TBC1D9B: variants seen among roughly 807,000 people sequenced by gnomAD.
The protein encoded by TBC1D9B is TBC1 domain family, member 9B (with GRAM domain).
TBC1D9B carries 87 observed loss-of-function variants against 121.1 expected under a neutral mutation model. That is an observed-to-expected ratio of 0.72 (90% confidence interval 0.60 to 0.86). The LOEUF (loss-of-function observed/expected upper bound fraction) is 0.86. TBC1D9B is among the 40% of genes least tolerant of loss of function. TBC1D9B has a pLI of 0.00. For missense variants in TBC1D9B, 1,540 were observed against 1,628.6 expected (o/e 0.95, Z 0.94); for synonymous variants, 668 against 670.1 (o/e 1.00, Z 0.05).
chr5:179,887,578 A>C (rs1760724774), intron 7 of TBC1D9B: 2 of 164,282 alleles, frequency 1.2e-5, no homozygotes, highest in African/African-American at 4.8e-5. Context: ...CTATCAACCA[A>C]GAGTGACATG....
intron 4 of TBC1D9B, 51 bp from the exon 5 acceptor site, chr5:179,893,518 G>C: frequency 1.9e-6 from 3 of 1,548,880 alleles, no homozygotes; most frequent in Non-Finnish European, 2.6e-6. Context: ...GCAGGGCGAG[G>C]CTCCTGATGC....
chr5:179,893,244 G>A lies in TBC1D9B; in HGVS notation c.801C>T (p.Pro267=). 6.2e-7 allele frequency: 1 copy of A among 1,612,754 alleles called. No homozygotes were observed. Among genetic ancestry groups the A allele is most frequent in the African/African-American group, 1.3e-5 (1 of 75,044 alleles). ...CTGAGATGTTCCTGTGTGGCCGGAT[G>A]GGCCTAGGCAGGGCCTTGTCCTCCA... The part of the protein sequence containing the change: ...GFLEDKALPR[P]IRPHRNISAL... Residue 267 remains proline, a synonymous_variant, in exon 5 of 21, where the codon CCC becomes CCT. Transcript: ENST00000355235.
intron 8 of TBC1D9B, 177 bp downstream of exon 8, chr5:179,879,451 G>T: frequency 9.1e-7 from 1 of 1,100,468 alleles, no homozygotes; most frequent in Non-Finnish European, 1.3e-6. Context: ...GCAGGTCAGC[G>T]GAGCCCCCCA....
rs1437619069 is a variant in TBC1D9B, at chr5:179,907,705, C to A, written c.117G>T (p.Thr39=). ...CCCGGCCGCCCGCGCGCCTCTCACC[C>A]GTAAGGCCGCCGCCCCTGCCGTGGC... ...RRGHGRGGGL[T]GLLVGTLDVV... The change falls in exon 1 of 21, where the codon ACG becomes ACT. Residue 39 remains threonine, a splice_region_variant and synonymous_variant. Transcript: ENST00000355235. The surrounding 1 kb of genome is among the most constrained non-coding windows in gnomAD (Gnocchi z 5.3). 4.3e-6 allele frequency: 5 copies of A among 1,156,444 alleles called. No individual in the cohort carries two copies. The highest frequency in any genetic ancestry group is 2.8e-4 in the Middle Eastern group (1 of 3,578). The allele number at this position is 1,156,444 out of a possible 1,614,324, so 71.6% of individuals were successfully genotyped here.
chr5:179,906,744 C>T (rs1761329594), intron 1 of TBC1D9B, among the ~76,000 whole-genome samples: 1 of 152,208 alleles, frequency 6.6e-6, no homozygotes, highest in Non-Finnish European at 1.5e-5. Flanking sequence ...AAACGTGGCC[C>T]AGGAGAAGCC....
At chr5:179,888,067 C>T (rs1238508995) in intron 7 of TBC1D9B, 36 bp downstream of exon 7, 2 of 1,611,170 alleles carry the variant, frequency 1.2e-6, no homozygotes, top group Admixed American at 3.3e-5. Context: ...CTTCCTGGGC[C>T]CAACTCGACC....
At position 179,875,990 on chromosome 5, in the gene TBC1D9B, C is replaced by A; in HGVS notation, c.1830G>T (p.Glu610Asp). 6.2e-7 allele frequency: 1 copy of A among 1,612,426 alleles called. No individual in the cohort carries two copies. Among genetic ancestry groups the A allele is most frequent in the Non-Finnish European group, 8.5e-7 (1 of 1,179,492 alleles). Reference sequence around the variant, plus strand: ...GGGCCACCAGGAGCCAGAAGGCCTCCTCCTCACTGCCATAGAGCAGGAGCA... The same window carrying A: ...GGGCCACCAGGAGCCAGAAGGCCTCATCCTCACTGCCATAGAGCAGGAGCA... ...TSVLLLYGSEEEAFWLLVALC... is the reference protein window; with the variant it reads ...TSVLLLYGSEDEAFWLLVALC... Residue 610 changes from glutamate (E) to aspartate (D), a missense_variant, in exon 11 of 21, where the codon GAG (glutamate) becomes GAT (aspartate). Physicochemically the swap from Glu to Asp is conservative, Grantham distance 45. Transcript: ENST00000355235. The surrounding 1 kb of genome is among the most constrained non-coding windows in gnomAD (Gnocchi z 4.5).
intron 7 of TBC1D9B, 61 bp from the exon 8 acceptor site, chr5:179,879,850 G>A: frequency 2.0e-6 from 3 of 1,515,414 alleles, no homozygotes; most frequent in Non-Finnish European, 1.8e-6. Flanking sequence ...GGCCTCTGAT[G>A]CGCCCATCCA....
Position 179,864,087 on chromosome 5 carries a change from G to T in TBC1D9B, c.3063C>A (p.Phe1021Leu). Reference sequence around the variant, plus strand: ...GGTCCTGCTCCATGGGGTCTTCACTGAACATGTTGTAAAGCGTCTTGCACA... The same window carrying T: ...GGTCCTGCTCCATGGGGTCTTCACTTAACATGTTGTAAAGCGTCTTGCACA... ...IELCKTLYNM[F>L]SEDPMEQDLY... Residue 1021 changes from phenylalanine (F) to leucine (L), a missense_variant, in exon 21 of 21, where the codon TTC becomes TTA. Coordinates refer to ENST00000355235, the MANE Select transcript of TBC1D9B (RefSeq NM_015043.4). The T allele has an allele frequency of 6.2e-7, 1 of 1,613,300 alleles. No individual in the cohort carries two copies. The highest frequency in any genetic ancestry group is 8.5e-7 in the Non-Finnish European group (1 of 1,179,872).
At chr5:179,899,531 C>T (rs1298279243) in intron 2 of TBC1D9B, among the ~76,000 whole-genome samples, 3 of 152,142 alleles carry the variant, frequency 2.0e-5, no homozygotes, top group Admixed American at 1.3e-4. Context: ...GAATCACAGT[C>T]GTGTGGGAGA....
rs1057062946 is a variant in TBC1D9B, at chr5:179,902,132, T to C, written c.229+2570A>G. Among the ~76,000 whole-genome samples, 1 of 152,246 alleles carries C rather than the reference T, an allele frequency of 6.6e-6. No homozygotes were observed. Among genetic ancestry groups the C allele is most frequent in the Admixed American group, 6.5e-5 (1 of 15,288 alleles). Reference sequence around the variant, plus strand: ...TCACCCTCGGAAGCTCCCGGCCTCATGGGCTTCCACGTAAAAGCGTGTGCA... The same window carrying C: ...TCACCCTCGGAAGCTCCCGGCCTCACGGGCTTCCACGTAAAAGCGTGTGCA... On this transcript the variant is annotated intron_variant, in intron 2 of 20. Coordinates refer to ENST00000355235, the MANE Select transcript of TBC1D9B (RefSeq NM_015043.4). The surrounding 1 kb of genome is among the most constrained non-coding windows in gnomAD (Gnocchi z 4.9).
At chr5:179,903,899 G>A (rs1032752361) in intron 2 of TBC1D9B, among the ~76,000 whole-genome samples, 4 of 152,194 alleles carry the variant, frequency 2.6e-5, no homozygotes, top group Non-Finnish European at 4.4e-5. Context: ...AAGGCAGAGC[G>A]TCGTCCTGTT....
Position 179,907,893 on chromosome 5 carries a change from A to AGCGTGCGGAGCGGC in TBC1D9B, c.-73_-72insGCCGCTCCGCACGC. The AGCGTGCGGAGCGGC allele has an allele frequency of 1.2e-6, 1 of 862,522 alleles. No homozygotes were observed. Among genetic ancestry groups the AGCGTGCGGAGCGGC allele is most frequent in the Non-Finnish European group, 1.4e-6 (1 of 725,234 alleles). 53.4% of individuals were successfully genotyped at this position (862,522 alleles called of 1,614,324 possible). A position where few individuals can be genotyped will look rare whatever the true frequency, so the allele number is the denominator to read the frequency against. ...CGCCGCCGTCGGCGTCCCGGAGCGGAGCGTGCGGAGCGGAGCGTGCGGAGC... is the reference window on the plus strand; with the variant it reads ...CGCCGCCGTCGGCGTCCCGGAGCGGAGCGTGCGGAGCGGCGCGTGCGGAGCGGAGCGTGCGGAGC... On this transcript the variant is annotated 5_prime_UTR_variant, in exon 1 of 21. Coordinates refer to ENST00000355235, the MANE Select transcript of TBC1D9B (RefSeq NM_015043.4). The surrounding 1 kb of genome is among the most constrained non-coding windows in gnomAD (Gnocchi z 5.3).
rs187177421 is a variant in TBC1D9B at position 179,889,219 on chromosome 5, C to T, written c.1045-907G>A. ...TAATTTTTTGTATTTTTAGTAGAGA[C>T]GGGTTTCACCATGTTAGCCAGGATG... On this transcript the variant is annotated intron_variant, in intron 6 of 20. Coordinates refer to ENST00000355235, the MANE Select transcript of TBC1D9B (RefSeq NM_015043.4). Among the ~76,000 whole-genome samples the T allele has an allele frequency of 3.1e-3, 466 of 152,012 alleles. 2 individuals carry two copies. The highest frequency in any genetic ancestry group is 6.8e-3 in the Middle Eastern group (2 of 294).
At chr5:179,868,091 G>A in intron 17 of TBC1D9B, 2 of 344,552 alleles carry the variant, frequency 5.8e-6, no homozygotes, top group Non-Finnish European at 1.1e-5. Context: ...ATGCTGCAGT[G>A]CAGTCACATG....
chr5:179,894,791 C>T (rs192781888), intron 3 of TBC1D9B, among the ~76,000 whole-genome samples, 177 bp from the exon 4 acceptor site: 18 of 152,312 alleles, frequency 1.2e-4, no homozygotes, highest in African/African-American at 2.6e-4. Flanking sequence ...GGATGAGAGA[C>T]GCTGCCTGTG....
At chr5:179,871,629 G>A (rs1582078363) in intron 14 of TBC1D9B, 99 bp from the exon 15 acceptor site, 2 of 1,307,488 alleles carry the variant, frequency 1.5e-6, no homozygotes, top group African/African-American at 1.5e-5. Context: ...AAGGGCAAGG[G>A]TGTGAACCGC....
chr5:179,888,343 C>T (rs769166545), intron 6 of TBC1D9B, 31 bp from the exon 7 acceptor site: 1 of 1,608,018 alleles, frequency 6.2e-7, no homozygotes, highest in Non-Finnish European at 8.5e-7. Flanking sequence ...TTTTGGGTGT[C>T]TGCATCTCAG....
intron 17 of TBC1D9B, 58 bp from the exon 18 acceptor site, chr5:179,867,907 G>T: frequency 6.8e-7 from 1 of 1,473,836 alleles, no homozygotes; most frequent in Non-Finnish European, 9.0e-7. Context: ...TCCTCTCAGA[G>T]TAAGTTCCCT....
Sources: gnomAD v4.1 joint callset for allele counts (sites outside exome capture counted in the v4.1 genomes callset) on GRCh38, gnomAD v4.1.1 for gene constraint, Gnocchi (gnomAD v3.1) non-coding constraint, MANE v1.5 for transcripts, NCBI Gene and HGNC (gene_info 2026-07-23, HGNC 2026-07-21) for gene names.